Variants in CTNNA3 observed in about 807,000 individuals in gnomAD.
CTNNA3 encodes the protein catenin alpha 3.
Under a neutral mutation model 95.7 loss-of-function variants are expected in CTNNA3, and 76 were observed. The observed-to-expected ratio is 0.79, with a 90% confidence interval of 0.66 to 0.96. CTNNA3 has a LOEUF of 0.96. Ranked by LOEUF, CTNNA3 falls within the 40% of genes least tolerant of loss-of-function variation. The pLI, the probability that CTNNA3 is intolerant of heterozygous loss-of-function variation, is 0.00. For synonymous variants in CTNNA3, 431 were observed against 374.4 expected, an observed-to-expected ratio of 1.15 and a Z score of -1.74; for missense variants, 1,191 against 1,089.8, an observed-to-expected ratio of 1.09 and a Z score of -1.31.
chr10:67,569,772 G>A (rs1226510836), intron 3 of CTNNA3, among the ~76,000 whole-genome samples: 1 of 152,104 alleles, frequency 6.6e-6, no homozygotes, highest in African/African-American at 2.4e-5. Context: ...AAGAATTTCT[G>A]TCCTTGACTG....
chr10:66,119,348 T>A (rs567514234), intron 13 of CTNNA3, among the ~76,000 whole-genome samples: 20 of 152,302 alleles, frequency 1.3e-4, no homozygotes, highest in African/African-American at 4.8e-4. Context: ...TTGTTAAATT[T>A]AATTACAAAG....
intron 12 of CTNNA3, among the ~76,000 whole-genome samples, chr10:66,302,629 T>C (rs554891121): frequency 2.8e-4 from 43 of 152,092 alleles, no homozygotes; most frequent in Non-Finnish European, 5.1e-4. Context: ...AATTAATTAG[T>C]TTTGACAAAT....
chr10:66,513,296 T>C (rs1468558581), intron 11 of CTNNA3, among the ~76,000 whole-genome samples: 1 of 152,160 alleles, frequency 6.6e-6, no homozygotes, highest in African/African-American at 2.4e-5. Flanking sequence ...TTGTTAAACT[T>C]GAGTAGGGTG....
rs191946764 is a variant in CTNNA3 at position 67,665,947 on chromosome 10, A to G, written c.-5-18429T>C. 1.1e-3 allele frequency among the ~76,000 whole-genome samples: 175 copies of G among 152,372 alleles called. 1 individual carries two copies. Among genetic ancestry groups the G allele is most frequent in the Middle Eastern group, 3.4e-3 (1 of 294 alleles). ...ATTTGTAAAAGTAGAAAGAAAAAAT[A>G]TAAAACAGGCATGTTATATGATACT... On this transcript the variant is annotated intron_variant, in intron 1 of 17. Transcript: ENST00000433211.
chr10:67,307,840 AG>A (rs913081173), intron 5 of CTNNA3, among the ~76,000 whole-genome samples: 4 of 152,214 alleles, frequency 2.6e-5, no homozygotes, highest in South Asian at 4.1e-4. Context: ...GTAAGTGGCT[AG>A]GTAAATCAGA....
intron 15 of CTNNA3, among the ~76,000 whole-genome samples, chr10:66,033,288 G>A (rs1056184103): frequency 1.4e-4 from 21 of 151,418 alleles, no homozygotes; most frequent in African/African-American, 4.8e-4. Flanking sequence ...CCACCACCAC[G>A]CCCGGCTAAT....
At chr10:66,336,052 G>C (rs1011174694) in intron 12 of CTNNA3, among the ~76,000 whole-genome samples, 1 of 152,214 alleles carries the variant, frequency 6.6e-6, no homozygotes, top group South Asian at 2.1e-4. Flanking sequence ...ATAATCTCCT[G>C]GTGTGCTATT....
At chr10:66,835,615 C>A (rs1359338482) in intron 7 of CTNNA3, among the ~76,000 whole-genome samples, 1 of 152,186 alleles carries the variant, frequency 6.6e-6, no homozygotes, top group Non-Finnish European at 1.5e-5. Context: ...TTTTGACACA[C>A]CCCCACCACC....
At chr10:66,770,110 T>C (rs1465194881) in intron 8 of CTNNA3, among the ~76,000 whole-genome samples, 1 of 152,230 alleles carries the variant, frequency 6.6e-6, no homozygotes, top group Non-Finnish European at 1.5e-5. Context: ...TGCCATGCCC[T>C]GAATTATACT....
chr10:67,045,618 G>T (rs886972825), intron 7 of CTNNA3, among the ~76,000 whole-genome samples: 1 of 152,082 alleles, frequency 6.6e-6, no homozygotes, highest in Non-Finnish European at 1.5e-5. Context: ...CTGCCTTTGC[G>T]GCCAGACCCC....
intron 10 of CTNNA3, among the ~76,000 whole-genome samples, chr10:66,604,075 C>A (rs868165486): frequency 6.6e-6 from 1 of 151,938 alleles, no homozygotes; most frequent in South Asian, 2.1e-4. Flanking sequence ...CAAAAATAGA[C>A]CAATGGGATC....
intron 7 of CTNNA3, among the ~76,000 whole-genome samples, chr10:67,029,539 T>C (rs781039112): frequency 1.6e-4 from 25 of 152,200 alleles, no homozygotes; most frequent in Non-Finnish European, 3.2e-4. Flanking sequence ...ATTTAAGCTA[T>C]AGCACTTAAG....
rs1840234237 is a variant in CTNNA3, at chr10:67,663,047, C to T, written c.-5-15529G>A. Among the ~76,000 whole-genome samples the T allele has an allele frequency of 3.3e-5, 5 of 152,084 alleles. 1 individual carries two copies. The South Asian group carries it at 1.0e-3, about 31-fold the overall frequency. On this transcript the variant is annotated intron_variant, in intron 1 of 17. Transcript: ENST00000433211. The stretch of plus-strand genomic sequence containing the variant: ...ACTTTCAAAAGTTGATTCACTTTTT[C>T]GAAGTGTCTTGGCCCTTCTTGTACA...
At chr10:66,178,530 A>AG (rs1483151601) in intron 13 of CTNNA3, among the ~76,000 whole-genome samples, 1 of 149,398 alleles carries the variant, frequency 6.7e-6, no homozygotes, top group Non-Finnish European at 1.5e-5. Context: ...ACTTGACAGC[A>AG]GAAATATATA....
intron 7 of CTNNA3, among the ~76,000 whole-genome samples, chr10:67,124,333 G>GTT (rs1859605800): frequency 1.4e-5 from 2 of 141,770 alleles, no homozygotes; most frequent in African/African-American, 5.3e-5. Flanking sequence ...GTGTGTTAGC[G>GTT]GTGTGTGTGT....
chr10:66,450,037 AT>A (rs1564975940), intron 11 of CTNNA3, among the ~76,000 whole-genome samples: 1 of 152,060 alleles, frequency 6.6e-6, no homozygotes, highest in African/African-American at 2.4e-5. Flanking sequence ...TGTTTCAATA[AT>A]TATTTTTTTA....
intron 5 of CTNNA3, among the ~76,000 whole-genome samples, chr10:67,460,829 T>C (rs776982914): frequency 2.6e-5 from 4 of 152,096 alleles, no homozygotes; most frequent in Admixed American, 6.6e-5. Context: ...AATGAAAATA[T>C]ATTGTGTCCA....
At chr10:66,593,980 C>T (rs777623163) in intron 10 of CTNNA3, among the ~76,000 whole-genome samples, 3 of 152,114 alleles carry the variant, frequency 2.0e-5, no homozygotes, top group South Asian at 2.1e-4. Flanking sequence ...AAAATGTTAA[C>T]AACTCCAAGT....
chr10:66,371,516 C>A lies in CTNNA3; in HGVS notation c.1732+7636G>T, dbSNP rs147370572. ...CCATCTAAAAGAATTGGCTTTGCAA[C>A]AAGCTGCTGAAGGGCAATGTTCTTG... On this transcript the variant is annotated intron_variant, in intron 12 of 17. Coordinates refer to ENST00000433211, the MANE Select transcript of CTNNA3 (RefSeq NM_013266.4). Among the ~76,000 whole-genome samples, 8 of 152,216 alleles carry A rather than the reference C, an allele frequency of 5.3e-5. No individual in the cohort carries two copies. In the East Asian group the frequency reaches 1.5e-3, roughly 29 times the overall value.
Sources: allele counts gnomAD v4.1 joint callset (sites outside exome capture counted in the v4.1 genomes callset), GRCh38; gene constraint gnomAD v4.1.1; transcripts MANE v1.5; gene names NCBI Gene and HGNC (gene_info 2026-07-23, HGNC 2026-07-21).